The following RASA4B variants were observed in gnomAD, a reference collection of about 807,000 sequenced individuals.
RASA4B encodes the protein RAS p21 protein activator 4B, also known as ras GTPase-activating protein 4B.
A neutral mutation model predicts 24.2 loss-of-function variants in RASA4B; 2 were observed. That is an observed-to-expected ratio of 0.08 (90% CI 0.03 to 0.26). RASA4B has a LOEUF of 0.26. Among genes scored for constraint, RASA4B ranks in the 10% least tolerant of loss-of-function variants. The probability of loss-of-function intolerance (pLI) is 1.00; values close to 1 mark genes in which losing one functional copy is unlikely to be tolerated. For synonymous variants in RASA4B, 2 were observed against 125.6 expected (o/e 0.02, Z 6.58); for missense variants, 8 against 277.2 (o/e 0.03, Z 6.90).
intron 5 of RASA4B, among the ~76,000 whole-genome samples, chr7:102,504,722 G>A (rs1429459961): frequency 9.8e-4 from 126 of 128,126 alleles, no homozygotes; most frequent in African/African-American, 3.4e-3. Flanking sequence ...AAAACAGCCC[G>A]GGTGCAGTGG....
chr7:102,484,685 T>C (rs1265422010), intron 19 of RASA4B, among the ~76,000 whole-genome samples: 2 of 137,872 alleles, frequency 1.5e-5, no homozygotes, highest in Admixed American at 1.6e-4. Flanking sequence ...TTAAAGCTGA[T>C]CTTTAAAAGC....
In RASA4B at chr7:102,496,166, A is replaced by G; in HGVS notation, c.1045T>C (p.Ser349Pro). 6.2e-7 allele frequency: 1 copy of G among 1,613,776 alleles called. No individual in the cohort carries two copies. The highest frequency in any genetic ancestry group is 8.5e-7 in the Non-Finnish European group (1 of 1,179,766). The change falls in exon 11 of 21, where the codon TCA becomes CCA. Residue 349 changes from serine (S) to proline (P), a missense_variant. Physicochemically the swap from Ser to Pro is moderately conservative, Grantham distance 74. Coordinates refer to ENST00000465829, the MANE Select transcript of RASA4B (RefSeq NM_001367767.2). ...TTCAGAAAAGACTCCACGGACTTTG[A>G]GGCCAGAGAGTTGCTCCGGAACAGG... Reference protein sequence around the residue: ...NTLFRSNSLASKSVESFLKVA... With the variant: ...NTLFRSNSLAPKSVESFLKVA...
At chr7:102,504,695 AC>A (rs1586778952) in intron 5 of RASA4B, among the ~76,000 whole-genome samples, 1 of 103,284 alleles carries the variant, frequency 9.7e-6, no homozygotes, top group African/African-American at 3.5e-5. Context: ...AAAAAAAAAA[AC>A]CCACCAAAAA....
chr7:102,489,773 C>G (rs1798855553), intron 17 of RASA4B, among the ~76,000 whole-genome samples: 1 of 134,966 alleles, frequency 7.4e-6, no homozygotes, highest in Non-Finnish European at 1.6e-5. Context: ...GTCACTATCA[C>G]AATTTGCTTT....
At chr7:102,504,614 A>G (rs1799429560) in intron 5 of RASA4B, among the ~76,000 whole-genome samples, 1 of 80,778 alleles carries the variant, frequency 1.2e-5, no homozygotes, top group African/African-American at 4.5e-5. Context: ...CTGGGGAGGC[A>G]GAGGTTGCAG....
chr7:102,487,391 G>A (rs1798760842), intron 18 of RASA4B, among the ~76,000 whole-genome samples: 1 of 23,390 alleles, frequency 4.3e-5, no homozygotes, highest in African/African-American at 7.9e-5. Flanking sequence ...ACACAGTATG[G>A]AGTCCTTCTA....
At position 102,480,423 on chromosome 7, in the gene RASA4B, AC is replaced by A. The variant is rs571397662; in HGVS notation, c.*3168del. ...GTGTGAGATGCGTGTGAAAATGCAA[AC>A]TTGGCTCTCCCTGGCTGGAGGCTGG... On this transcript the variant is annotated 3_prime_UTR_variant, in exon 21 of 21. Transcript: ENST00000465829. 9.8e-4 allele frequency among the ~76,000 whole-genome samples: 143 copies of A among 146,536 alleles called. 2 individuals carry two copies. Among genetic ancestry groups the A allele is most frequent in the African/African-American group, 3.3e-3 (134 of 40,188 alleles).
At chr7:102,490,807 TCCAGGGCACTCCCACAGCAC>T (rs1798910596) in intron 17 of RASA4B, among the ~76,000 whole-genome samples, 159 bp downstream of exon 17, 3 of 72,104 alleles carry the variant, frequency 4.2e-5, no homozygotes, top group African/African-American at 1.4e-4. Flanking sequence ...TCCCATAGCA[TCCAGGGCACTCCCACAGCAC>T]CCAGGCCACT....
At chr7:102,502,775 C>T (rs1166613311) in intron 6 of RASA4B, among the ~76,000 whole-genome samples, 1 of 122,096 alleles carries the variant, frequency 8.2e-6, no homozygotes, top group African/African-American at 2.6e-5. Context: ...AAAAAAACAC[C>T]ACGAAACACA....
chr7:102,498,742 G>T (rs1332055242), intron 8 of RASA4B, among the ~76,000 whole-genome samples: 4 of 107,276 alleles, frequency 3.7e-5, no homozygotes, highest in Non-Finnish European at 8.2e-5. Flanking sequence ...TGTTGGCCAG[G>T]CTGGTCTCGA....
At chr7:102,497,125 C>T (rs866855883) in intron 8 of RASA4B, among the ~76,000 whole-genome samples, 161 bp from the exon 9 acceptor site, 3 of 146,686 alleles carry the variant, frequency 2.0e-5, no homozygotes, top group Non-Finnish European at 4.6e-5. Context: ...CAGGCTCTGC[C>T]CGGGCTATTT....
chr7:102,489,796 T>C (rs1798859233), intron 17 of RASA4B, among the ~76,000 whole-genome samples: 1 of 129,124 alleles, frequency 7.7e-6, no homozygotes, highest in Admixed American at 8.1e-5. Context: ...TTTTTTTTTT[T>C]TTTTTTTAAG....
rs1406260393 is a variant in RASA4B, at chr7:102,500,580, C to T, written c.737+119G>A. 9 of 166,244 alleles carry T rather than the reference C, an allele frequency of 5.4e-5. No individual in the cohort carries two copies. The South Asian group carries it at 7.3e-4, about 13-fold the overall frequency. 10.3% of individuals were successfully genotyped at this position (166,244 alleles called of 1,614,324 possible). ...GGCAGGGGCTGAGGGGACCCTGGAG[C>T]TGTGTCTCCTGACCTCTCACCCTGA... On this transcript the variant is annotated intron_variant, in intron 8 of 20. Transcript: ENST00000465829.
Position 102,493,851 on chromosome 7 carries a change from TTGG to T in RASA4B, c.1631_1633del (p.Thr544del), listed in dbSNP as rs751740201. 1 of 333,928 alleles carries T rather than the reference TTGG, an allele frequency of 3.0e-6. No individual in the cohort carries two copies. The highest frequency in any genetic ancestry group is 1.9e-5 in the African/African-American group (1 of 52,160). 20.7% of individuals were successfully genotyped at this position (333,928 alleles called of 1,614,324 possible). On this transcript the variant is annotated inframe_deletion, in exon 15 of 21. Transcript: ENST00000465829. ...GTCCTTCTCCTCGATGTCCACGAGC[TTGG>T]TGATGAAGTCCTTCAGCTGCGCCAC...
intron 6 of RASA4B, among the ~76,000 whole-genome samples, chr7:102,502,331 G>A (rs1799351541): frequency 4.9e-5 from 1 of 20,324 alleles, no homozygotes; most frequent in Admixed American, 6.7e-4. Context: ...CTACAAATTG[G>A]GTGCAGTGTA....
chr7:102,504,802 C>T (rs1225544384), intron 5 of RASA4B, among the ~76,000 whole-genome samples: 1 of 144,666 alleles, frequency 6.9e-6, no homozygotes, highest in Non-Finnish European at 1.5e-5. Context: ...GAGTTTGAGA[C>T]CAGCCTAGCC....
At position 102,498,554 on chromosome 7, in the gene RASA4B, C is replaced by T. The variant is rs1407277866; in HGVS notation, c.738-1590G>A. On this transcript the variant is annotated intron_variant, in intron 8 of 20. Transcript: ENST00000465829. Reference sequence around the variant, plus strand: ...GATTACAGGCATGAGCCACCGCACCCGGCTGTTTTCTTGAGACGGAGTTTC... The same window carrying T: ...GATTACAGGCATGAGCCACCGCACCTGGCTGTTTTCTTGAGACGGAGTTTC... 9.9e-5 allele frequency among the ~76,000 whole-genome samples: 14 copies of T among 141,492 alleles called. 1 individual carries two copies. The highest frequency in any genetic ancestry group is 1.4e-4 in the Non-Finnish European group (9 of 64,006). The allele number at this position is 141,492 out of a possible 152,430, so 92.8% of individuals were successfully genotyped here.
chr7:102,481,718 GT>G lies in RASA4B; in HGVS notation c.*1873del, dbSNP rs1408913352. 1.0e-3 allele frequency among the ~76,000 whole-genome samples: 152 copies of G among 145,956 alleles called. No homozygotes were observed. The highest frequency in any genetic ancestry group is 3.7e-3 in the African/African-American group (148 of 40,346). ...GTTCCCCTTCATCTGAAAATTGAAT[GT>G]GATTTTAAACAACCTATTTGAGCTC... On this transcript the variant is annotated 3_prime_UTR_variant, in exon 21 of 21. Transcript: ENST00000465829.
At chr7:102,511,501 G>T (rs2133349276) in intron 2 of RASA4B, among the ~76,000 whole-genome samples, 1 of 117,016 alleles carries the variant, frequency 8.5e-6, no homozygotes, top group South Asian at 2.8e-4. Context: ...ACTTTTACTA[G>T]GCATGTGACC....
Sources: allele counts gnomAD v4.1 joint callset (sites outside exome capture counted in the v4.1 genomes callset), GRCh38; gene constraint gnomAD v4.1.1; transcripts MANE v1.5; gene names NCBI Gene and HGNC (gene_info 2026-07-23, HGNC 2026-07-21).